SLC26A8: variants seen among roughly 807,000 people sequenced by gnomAD.
SLC26A8 encodes the protein solute carrier family 26 member 8.
SLC26A8 carries 70 observed loss-of-function variants against 105.0 expected under a neutral mutation model. The observed-to-expected ratio is 0.67, with a 90% CI of 0.55 to 0.81. The LOEUF (loss-of-function observed/expected upper bound fraction) is 0.81. Among genes scored for constraint, SLC26A8 ranks in the 40% least tolerant of loss-of-function variants. The pLI is 0.00. For missense variants in SLC26A8, 998 were observed against 1,181.8 expected, an observed-to-expected ratio of 0.84 and a Z score of 2.28; for synonymous variants, 415 against 438.3, an observed-to-expected ratio of 0.95 and a Z score of 0.66.
intron 12 of SLC26A8, among the ~76,000 whole-genome samples, chr6:35,962,031 G>C (rs1424504147): frequency 6.6e-6 from 1 of 152,156 alleles, no homozygotes; most frequent in Non-Finnish European, 1.5e-5. Context: ...TTTGAGACCA[G>C]CCTGGTCAAT....
intron 3 of SLC26A8, among the ~76,000 whole-genome samples, chr6:36,009,710 G>GGTA (rs1761796395): frequency 6.6e-6 from 1 of 152,176 alleles, no homozygotes; most frequent in South Asian, 2.1e-4. Context: ...ACAGGAGGCA[G>GGTA]GTAGTGGTGG....
intron 10 of SLC26A8, among the ~76,000 whole-genome samples, chr6:35,970,124 A>G (rs1019123429): frequency 6.6e-6 from 1 of 152,140 alleles, no homozygotes; most frequent in Non-Finnish European, 1.5e-5. Context: ...AATTATAACC[A>G]CAAATCAGAA....
intron 7 of SLC26A8, among the ~76,000 whole-genome samples, chr6:35,986,847 T>C (rs544730873): frequency 6.6e-6 from 1 of 152,318 alleles, no homozygotes; most frequent in African/African-American, 2.4e-5. Context: ...TACCTGTATA[T>C]ACCACATGTA....
chr6:36,013,564 G>A (rs903114470), intron 2 of SLC26A8, among the ~76,000 whole-genome samples: 6 of 152,184 alleles, frequency 3.9e-5, no homozygotes, highest in African/African-American at 1.4e-4. Flanking sequence ...CCACAAGAAA[G>A]AATTTTCTGG....
At chr6:36,013,003 A>G (rs1344865211) in intron 2 of SLC26A8, among the ~76,000 whole-genome samples, 1 of 152,144 alleles carries the variant, frequency 6.6e-6, no homozygotes, top group Non-Finnish European at 1.5e-5. Context: ...AATTTTTACC[A>G]AACATTTACT....
chr6:35,978,408 T>C (rs1019749402), intron 8 of SLC26A8, among the ~76,000 whole-genome samples: 3 of 152,104 alleles, frequency 2.0e-5, no homozygotes, highest in African/African-American at 7.2e-5. Flanking sequence ...AAGTCAAATC[T>C]GGAAGCACAA....
intron 3 of SLC26A8, among the ~76,000 whole-genome samples, chr6:36,009,178 CCT>C (rs1407085632): frequency 6.6e-6 from 1 of 152,140 alleles, no homozygotes; most frequent in Admixed American, 6.5e-5. Flanking sequence ...ATGGTGAAAC[CCT>C]GTCTCTACTA....
At chr6:35,955,712 T>C (rs1772034818) in intron 16 of SLC26A8, among the ~76,000 whole-genome samples, 192 bp from the exon 17 acceptor site, 1 of 152,120 alleles carries the variant, frequency 6.6e-6, no homozygotes, top group African/African-American at 2.4e-5. Flanking sequence ...CCCACAGTCA[T>C]CTTTCCTCAT....
chr6:36,018,822 T>C (rs1762058178), intron 2 of SLC26A8, among the ~76,000 whole-genome samples: 1 of 152,220 alleles, frequency 6.6e-6, no homozygotes, highest in South Asian at 2.1e-4. Flanking sequence ...GTGGTGGTGG[T>C]AGATTCTACC....
intron 4 of SLC26A8, among the ~76,000 whole-genome samples, chr6:35,998,383 C>T (rs568535900): frequency 6.6e-6 from 1 of 151,944 alleles, no homozygotes; most frequent in African/African-American, 2.4e-5. Context: ...TGGAGAAACC[C>T]CGTCTCTACC....
intron 19 of SLC26A8, among the ~76,000 whole-genome samples, chr6:35,944,548 AATT>A (rs887666108): frequency 2.0e-4 from 30 of 148,058 alleles, no homozygotes; most frequent in Non-Finnish European, 3.0e-4. Context: ...TAATAATAAT[AATT>A]ATTATTATTT....
At chr6:35,963,932 A>C (rs1321184071) in intron 11 of SLC26A8, among the ~76,000 whole-genome samples, 2 of 152,210 alleles carry the variant, frequency 1.3e-5, no homozygotes, top group Admixed American at 1.3e-4. Context: ...CTGATAGCCA[A>C]GTGTGGTGGC....
Position 35,977,369 on chromosome 6 carries a change from A to G in SLC26A8, c.1026-18T>C, listed in dbSNP as rs780912311. ...GCAGAAAGCTGGAATAGAATAGTGG[A>G]ATTATTTCTGGATAGCAGGAATCCT... is the stretch of plus-strand genomic sequence containing the variant. On this transcript the variant is annotated intron_variant, in intron 8 of 19. Transcript: ENST00000490799. The G allele has an allele frequency of 1.2e-6, 2 of 1,608,156 alleles. No homozygotes were observed. Among genetic ancestry groups the G allele is most frequent in the African/African-American group, 2.7e-5 (2 of 74,518 alleles).
intron 17 of SLC26A8, among the ~76,000 whole-genome samples, chr6:35,951,980 A>G (rs1397421553): frequency 6.6e-6 from 1 of 152,186 alleles, no homozygotes. Context: ...GGAGTTCTCT[A>G]TGCCGGAAAA....
At position 36,003,955 on chromosome 6, in the gene SLC26A8, C is replaced by T. The variant is rs78618922; in HGVS notation, c.329-3847G>A. ...GGGTTACAGGCGTGAGCCACCATGC[C>T]CGGCCTATTTCTTTGCTTTTCTTTA... On this transcript the variant is annotated intron_variant, in intron 3 of 19. Coordinates refer to ENST00000490799, the MANE Select transcript of SLC26A8 (RefSeq NM_052961.4). Among the ~76,000 whole-genome samples the T allele has an allele frequency of 9.2e-3, 1,402 of 152,162 alleles. 16 individuals carry two copies. Among genetic ancestry groups the T allele is most frequent in the African/African-American group, 0.032 (1,326 of 41,500 alleles).
chr6:35,986,979 T>C (rs1581666234), intron 7 of SLC26A8, among the ~76,000 whole-genome samples: 1 of 152,204 alleles, frequency 6.6e-6, no homozygotes, highest in Admixed American at 6.6e-5. Flanking sequence ...CCTTTAGATA[T>C]ATACCCAATA....
rs1773250505 is a variant in SLC26A8 at position 35,981,129 on chromosome 6, C to T, written c.1025+992G>A. 6.6e-6 allele frequency among the ~76,000 whole-genome samples: 1 copy of T among 152,128 alleles called. No homozygotes were observed. The highest frequency in any genetic ancestry group is 2.1e-4 in the South Asian group (1 of 4,824). ...TGGGCAATGCTCTTCAAAAGCCTCT[C>T]TGTGAGTCAAGAAACTGCAGTATAT... is the stretch of plus-strand genomic sequence containing the variant. On this transcript the variant is annotated intron_variant, in intron 8 of 19. Coordinates refer to ENST00000490799, the MANE Select transcript of SLC26A8 (RefSeq NM_052961.4). The surrounding 1 kb of genome is among the most constrained non-coding windows in gnomAD (Gnocchi z 4.0).
Position 36,019,569 on chromosome 6 carries a change from C to T in SLC26A8, c.139G>A (p.Gly47Arg), listed in dbSNP as rs760715809. 2 of 1,613,978 alleles carry T rather than the reference C, an allele frequency of 1.2e-6. No homozygotes were observed. The highest frequency in any genetic ancestry group is 1.7e-5 in the Admixed American group (1 of 60,004). Residue 47 changes from glycine (G) to arginine (R), a missense_variant, in exon 2 of 20, where the codon GGG (glycine) becomes AGG (arginine). Physicochemically the swap from Gly to Arg is moderately radical, Grantham distance 125. Transcript: ENST00000490799. ...QEHKRKASSSGNMNINITTFR... is the reference protein window; with the variant it reads ...QEHKRKASSSRNMNINITTFR... ...GTGGTGATGTTGATGTTCATGTTCCCAGAAGAGGAGGCCTTCCTTTTGTGT... is the reference window on the plus strand; with the variant it reads ...GTGGTGATGTTGATGTTCATGTTCCTAGAAGAGGAGGCCTTCCTTTTGTGT...
chr6:36,007,769 A>C (rs1295168627), intron 3 of SLC26A8, among the ~76,000 whole-genome samples: 1 of 152,204 alleles, frequency 6.6e-6, no homozygotes, highest in Non-Finnish European at 1.5e-5. Flanking sequence ...CACACAAAAG[A>C]TGCCTATTTG....
Sources: gnomAD v4.1 joint callset for allele counts (sites outside exome capture counted in the v4.1 genomes callset) on GRCh38, gnomAD v4.1.1 for gene constraint, Gnocchi (gnomAD v3.1) non-coding constraint, MANE v1.5 for transcripts, NCBI Gene and HGNC (gene_info 2026-07-23, HGNC 2026-07-21) for gene names.